Variants in EYS observed in about 807,000 individuals in gnomAD.
The protein encoded by EYS is protein eyes shut homolog.
A neutral mutation model predicts 282.1 loss-of-function variants in EYS; 250 were observed. The observed-to-expected ratio is 0.89, with a 90% CI of 0.80 to 0.98. The LOEUF (loss-of-function observed/expected upper bound fraction) is 0.98, where lower values mean the gene tolerates loss of function less well. EYS is among the 50% of genes least tolerant of loss of function. The pLI is 0.00. For synonymous variants in EYS, 1,355 were observed against 1,282.9 expected (o/e 1.06, Z -1.20); for missense variants, 4,016 against 3,709.0 (o/e 1.08, Z -2.15).
intron 22 of EYS, among the ~76,000 whole-genome samples, chr6:64,772,041 T>C (rs942305496): frequency 6.6e-6 from 1 of 151,796 alleles, no homozygotes; most frequent in African/African-American, 2.4e-5. Context: ...TTTCATTTAG[T>C]AGTTTTTCAC....
chr6:65,358,840 TAATAAC>T (rs962821499), intron 8 of EYS, among the ~76,000 whole-genome samples: 3 of 151,994 alleles, frequency 2.0e-5, no homozygotes, highest in African/African-American at 7.2e-5. Flanking sequence ...TATAAGTTGC[TAATAAC>T]AATATACATG....
intron 31 of EYS, among the ~76,000 whole-genome samples, chr6:64,160,790 T>C (rs2150300854): frequency 6.6e-6 from 1 of 152,334 alleles, no homozygotes; most frequent in Non-Finnish European, 1.5e-5. Flanking sequence ...ACACAGCCTA[T>C]GTACTGGTTG....
At chr6:63,857,240 G>T (rs1315723240) in intron 36 of EYS, among the ~76,000 whole-genome samples, 1 of 152,134 alleles carries the variant, frequency 6.6e-6, no homozygotes, top group African/African-American at 2.4e-5. Flanking sequence ...AAAGAAGGAA[G>T]ATTTGGAGGT....
chr6:64,838,729 C>G (rs1015834607), intron 19 of EYS, among the ~76,000 whole-genome samples: 5 of 151,776 alleles, frequency 3.3e-5, no homozygotes, highest in African/African-American at 4.8e-5. Context: ...TAAATGCTAT[C>G]AGAATTGGTA....
chr6:65,598,595 C>G (rs1395474196), intron 2 of EYS, among the ~76,000 whole-genome samples: 1 of 152,074 alleles, frequency 6.6e-6, no homozygotes, highest in Non-Finnish European at 1.5e-5. Flanking sequence ...TGCCAACATA[C>G]TTTATTTCAG....
intron 11 of EYS, among the ~76,000 whole-genome samples, chr6:65,324,649 G>A (rs1769569399): frequency 6.6e-6 from 1 of 152,218 alleles, no homozygotes; most frequent in African/African-American, 2.4e-5. Context: ...ACCTATAACA[G>A]TGAATTCACA....
At chr6:63,911,963 G>A (rs1764262806) in intron 35 of EYS, among the ~76,000 whole-genome samples, 1 of 152,190 alleles carries the variant, frequency 6.6e-6, no homozygotes, top group South Asian at 2.1e-4. Flanking sequence ...CAAGATAGAT[G>A]TAAACTAGTA....
chr6:64,187,228 C>T (rs903876692), intron 31 of EYS, among the ~76,000 whole-genome samples: 1 of 151,838 alleles, frequency 6.6e-6, no homozygotes, highest in Non-Finnish European at 1.5e-5. Context: ...ATTTTTATTC[C>T]TACTTTGTGT....
chr6:64,720,345 TA>T (rs1280774465), intron 22 of EYS, among the ~76,000 whole-genome samples: 3 of 152,184 alleles, frequency 2.0e-5, no homozygotes, highest in African/African-American at 7.2e-5. Context: ...CTACCCAGAT[TA>T]TCCAGGACAA....
At chr6:64,725,243 C>A (rs1438757638) in intron 22 of EYS, among the ~76,000 whole-genome samples, 17 of 152,054 alleles carry the variant, frequency 1.1e-4, no homozygotes, top group Admixed American at 1.1e-3. Context: ...TCCTACAATT[C>A]CTTATATCCA....
In EYS at chr6:64,723,972, G is replaced by T. The variant is rs79683878; in HGVS notation, c.3443+89406C>A. Among the ~76,000 whole-genome samples, 1,269 of 152,166 alleles carry T rather than the reference G, an allele frequency of 8.3e-3. 14 individuals carry two copies. The highest frequency in any genetic ancestry group is 0.029 in the African/African-American group (1,200 of 41,506). Reference sequence around the variant, plus strand: ...ACACTCTCCTTAACCATAACCTCCTGGTGGTCCCACTTCTATCAGCCTCCA... The same window carrying T: ...ACACTCTCCTTAACCATAACCTCCTTGTGGTCCCACTTCTATCAGCCTCCA... On this transcript the variant is annotated intron_variant, in intron 22 of 42. Coordinates refer to ENST00000503581, the MANE Select transcript of EYS (RefSeq NM_001142800.2).
intron 12 of EYS, among the ~76,000 whole-genome samples, chr6:65,142,688 T>C (rs1355252206): frequency 6.6e-6 from 1 of 151,806 alleles, no homozygotes; most frequent in African/African-American, 2.4e-5. Flanking sequence ...AGGACATTAG[T>C]TATAGGGAGC....
intron 31 of EYS, among the ~76,000 whole-genome samples, chr6:64,091,497 A>G (rs1772359186): frequency 6.6e-6 from 1 of 152,108 alleles, no homozygotes; most frequent in African/African-American, 2.4e-5. Flanking sequence ...TATTTTGCAA[A>G]ATATGTTTGC....
chr6:65,476,735 C>T (rs1415067798), intron 5 of EYS, among the ~76,000 whole-genome samples: 4 of 152,028 alleles, frequency 2.6e-5, no homozygotes, highest in African/African-American at 9.7e-5. Flanking sequence ...TGCCACCAGG[C>T]CCAGCTAATT....
At chr6:64,667,147 T>G (rs1769261135) in intron 22 of EYS, among the ~76,000 whole-genome samples, 5 of 150,604 alleles carry the variant, frequency 3.3e-5, no homozygotes, top group African/African-American at 1.2e-4. Context: ...ATGAAATGTG[T>G]AAGAGCACAG....
intron 35 of EYS, among the ~76,000 whole-genome samples, chr6:63,978,018 G>A (rs904113758): frequency 1.3e-5 from 2 of 151,908 alleles, no homozygotes; most frequent in African/African-American, 4.8e-5. Flanking sequence ...TTTAATATGT[G>A]AACATACATA....
intron 31 of EYS, among the ~76,000 whole-genome samples, chr6:64,149,960 T>C (rs957093428): frequency 2.0e-5 from 3 of 152,226 alleles, no homozygotes; most frequent in African/African-American, 4.8e-5. Flanking sequence ...GTCAAAGTGC[T>C]CTGTCAACTG....
chr6:65,695,280 G>A (rs1379125921), intron 1 of EYS, among the ~76,000 whole-genome samples: 1 of 151,766 alleles, frequency 6.6e-6, no homozygotes, highest in Non-Finnish European at 1.5e-5. Flanking sequence ...AAGAGACATG[G>A]TATTTATCAC....
chr6:64,134,878 A>G (rs1291194729), intron 31 of EYS, among the ~76,000 whole-genome samples: 2 of 152,108 alleles, frequency 1.3e-5, no homozygotes, highest in East Asian at 1.9e-4. Flanking sequence ...ACCTATGAAC[A>G]TCTATTTTCT....
Sources: gnomAD v4.1 joint callset for allele counts (sites outside exome capture counted in the v4.1 genomes callset) on GRCh38, gnomAD v4.1.1 for gene constraint, MANE v1.5 for transcripts, NCBI Gene and HGNC (gene_info 2026-07-23, HGNC 2026-07-21) for gene names.